CCDC85C: variants seen among roughly 807,000 people sequenced by gnomAD.
The protein encoded by CCDC85C is coiled-coil domain containing 85C.
A neutral mutation model predicts 38.3 loss-of-function variants in CCDC85C; 18 were observed. That is an observed-to-expected ratio of 0.47 (90% CI 0.33 to 0.70). The LOEUF is 0.70. CCDC85C is among the 30% of genes least tolerant of loss of function. The pLI is 0.03. For synonymous variants in CCDC85C, 264 were observed against 293.8 expected, an observed-to-expected ratio of 0.90 and a Z score of 1.04; for missense variants, 566 against 621.2, an observed-to-expected ratio of 0.91 and a Z score of 0.94.
In CCDC85C at chr14:99,603,148, C is replaced by A; in HGVS notation, c.793+19G>T. On this transcript the variant is annotated intron_variant, in intron 1 of 5. Coordinates refer to ENST00000380243, the MANE Select transcript of CCDC85C (RefSeq NM_001144995.2). The surrounding 1 kb of genome is among the most constrained non-coding windows in gnomAD (Gnocchi z 7.5). ...TGCAGCCAGGGAGACCCGCGCTGCC[C>A]GGCCCGTGTAGTCCTTACCGTGCAG... The A allele has an allele frequency of 7.6e-7, 1 of 1,313,362 alleles. No individual in the cohort carries two copies. The highest frequency in any genetic ancestry group is 3.1e-5 in the East Asian group (1 of 32,088). The allele number at this position is 1,313,362 out of a possible 1,614,324, so 81.4% of individuals were successfully genotyped here.
rs1189838664 is a variant in CCDC85C at position 99,501,912 on chromosome 14, G to A, written c.*13334C>T. 3.9e-6 allele frequency: 1 copy of A among 256,456 alleles called. No homozygotes were observed. The highest frequency in any genetic ancestry group is 7.4e-6 in the Non-Finnish European group (1 of 135,982). The allele number at this position is 256,456 out of a possible 1,614,324, so 15.9% of individuals were successfully genotyped here. On this transcript the variant is annotated 3_prime_UTR_variant, in exon 6 of 6. Transcript: ENST00000380243. Reference sequence around the variant, plus strand: ...ATTTCATTTGAAGAAACAGTTGAGTGGCTAGGATTTCAACAGTTTAAATAA... The same window carrying A: ...ATTTCATTTGAAGAAACAGTTGAGTAGCTAGGATTTCAACAGTTTAAATAA...
At chr14:99,517,969 GC>G (rs1215924669) in intron 3 of CCDC85C, among the ~76,000 whole-genome samples, 1 of 152,200 alleles carries the variant, frequency 6.6e-6, no homozygotes, top group African/African-American at 2.4e-5. Context: ...AAAACACCCA[GC>G]GGTGCCCTGT....
At chr14:99,521,284 C>G (rs1430785914) in intron 3 of CCDC85C, among the ~76,000 whole-genome samples, 1 of 152,230 alleles carries the variant, frequency 6.6e-6, no homozygotes, top group African/African-American at 2.4e-5. Flanking sequence ...GCTTTGCTGC[C>G]TGCACAGGCT....
chr14:99,509,944 T>C lies in CCDC85C; in HGVS notation c.*5302A>G, dbSNP rs3918124. 5,175 of 597,826 alleles carry C rather than the reference T, an allele frequency of 8.7e-3. 200 individuals carry two copies. Among genetic ancestry groups the C allele is most frequent in the African/African-American group, 0.086 (4,608 of 53,626 alleles). The allele number at this position is 597,826 out of a possible 1,614,324, so 37.0% of individuals were successfully genotyped here. ...GGGCTGAGGGAGGGAAAACCCCAGG[T>C]CGTCGCAGACAGGGTGGAGGGCCTT... On this transcript the variant is annotated 3_prime_UTR_variant, in exon 6 of 6. Coordinates refer to ENST00000380243, the MANE Select transcript of CCDC85C (RefSeq NM_001144995.2).
At chr14:99,579,644 G>A (rs1167683716) in intron 1 of CCDC85C, among the ~76,000 whole-genome samples, 2 of 152,228 alleles carry the variant, frequency 1.3e-5, no homozygotes, top group African/African-American at 2.4e-5. Context: ...CCAGAAAGGT[G>A]AGGACTGGAT....
At chr14:99,527,070 C>T (rs1214733093) in intron 2 of CCDC85C, among the ~76,000 whole-genome samples, 1 of 152,184 alleles carries the variant, frequency 6.6e-6, no homozygotes, top group East Asian at 1.9e-4. Flanking sequence ...AGCACAGAGG[C>T]CTCCACAGAA....
intron 1 of CCDC85C, among the ~76,000 whole-genome samples, chr14:99,537,080 T>C (rs942513746): frequency 3.3e-5 from 5 of 152,110 alleles, no homozygotes; most frequent in South Asian, 4.1e-4. Context: ...CAAGTACCCC[T>C]GTGAGCCACG....
chr14:99,518,563 C>A (rs545119261), intron 3 of CCDC85C, among the ~76,000 whole-genome samples: 2 of 151,616 alleles, frequency 1.3e-5, no homozygotes, highest in South Asian at 4.1e-4. Context: ...CCCCCTGGGG[C>A]AACGCAAGGC....
intron 1 of CCDC85C, chr14:99,580,037 T>A (rs1416304382): frequency 1.1e-5 from 5 of 455,360 alleles, no homozygotes; most frequent in Non-Finnish European, 2.2e-5. Context: ...GTGAGTCACA[T>A]GGGCAGGGCT....
chr14:99,534,236 T>C (rs995943289), intron 2 of CCDC85C, among the ~76,000 whole-genome samples: 9 of 151,634 alleles, frequency 5.9e-5, no homozygotes, highest in Non-Finnish European at 1.0e-4. Context: ...ATGCCTGTAG[T>C]CCCAGCTACT....
At chr14:99,537,808 T>G (rs1399514206) in intron 1 of CCDC85C, among the ~76,000 whole-genome samples, 1 of 152,016 alleles carries the variant, frequency 6.6e-6, no homozygotes, top group African/African-American at 2.4e-5. Context: ...ACAGTTCCCA[T>G]GCCCACCCAA....
chr14:99,571,152 AAGGCAGTGCAGTG>A (rs1898332699), intron 1 of CCDC85C, among the ~76,000 whole-genome samples: 1 of 152,130 alleles, frequency 6.6e-6, no homozygotes, highest in Admixed American at 6.5e-5. Context: ...GAGGAAGACA[AAGGCAGTGCAGTG>A]AGGGGCCAGC....
intron 1 of CCDC85C, among the ~76,000 whole-genome samples, chr14:99,601,634 C>T (rs1332291922): frequency 6.6e-6 from 1 of 152,166 alleles, no homozygotes; most frequent in Non-Finnish European, 1.5e-5. Flanking sequence ...CAAAAGCCCC[C>T]AGGACGGCAA....
rs1239250994 is a variant in CCDC85C, at chr14:99,509,623, CCT to C, written c.*5621_*5622del. 1 of 162,298 alleles carries C rather than the reference CCT, an allele frequency of 6.2e-6. No homozygotes were observed. Among genetic ancestry groups the C allele is most frequent in the East Asian group, 1.9e-4 (1 of 5,286 alleles). 10.1% of individuals were successfully genotyped at this position (162,298 alleles called of 1,614,324 possible). On this transcript the variant is annotated 3_prime_UTR_variant, in exon 6 of 6. Coordinates refer to ENST00000380243, the MANE Select transcript of CCDC85C (RefSeq NM_001144995.2). ...GAGCACACAGTGGGGTTTGATGTAG[CCT>C]CTCTTGAGTAGAATAGAACCTGAAT...
At chr14:99,577,505 G>A (rs1898505838) in intron 1 of CCDC85C, among the ~76,000 whole-genome samples, 1 of 151,850 alleles carries the variant, frequency 6.6e-6, no homozygotes, top group African/African-American at 2.4e-5. Context: ...AGTCTCCTCA[G>A]CTGCTAAATG....
Position 99,503,799 on chromosome 14 carries a change from C to T in CCDC85C, c.*11447G>A. ...TTTCCATCAGCATTGTCTTTCTGTTCATCACCTGATCATAGATTCTAAAAT... is the reference window on the plus strand; with the variant it reads ...TTTCCATCAGCATTGTCTTTCTGTTTATCACCTGATCATAGATTCTAAAAT... On this transcript the variant is annotated 3_prime_UTR_variant, in exon 6 of 6. Coordinates refer to ENST00000380243, the MANE Select transcript of CCDC85C (RefSeq NM_001144995.2). 2 of 627,294 alleles carry T rather than the reference C, an allele frequency of 3.2e-6. No homozygotes were observed. Among genetic ancestry groups the T allele is most frequent in the Non-Finnish European group, 5.6e-6 (2 of 356,622 alleles). 38.9% of individuals were successfully genotyped at this position (627,294 alleles called of 1,614,324 possible). A position where few individuals can be genotyped will look rare whatever the true frequency, so the allele number is the denominator to read the frequency against.
intron 1 of CCDC85C, among the ~76,000 whole-genome samples, chr14:99,602,408 G>A (rs1231577617): frequency 1.3e-5 from 2 of 152,196 alleles, no homozygotes; most frequent in African/African-American, 2.4e-5. Context: ...GCGATCAACA[G>A]TTTATAAATC....
intron 1 of CCDC85C, among the ~76,000 whole-genome samples, chr14:99,602,178 C>T (rs908745546): frequency 3.9e-5 from 6 of 152,304 alleles, no homozygotes; most frequent in Admixed American, 3.3e-4. Flanking sequence ...ACAGGGAGGC[C>T]CCGGATCCAC....
At chr14:99,561,703 G>A (rs8014245) in intron 1 of CCDC85C, among the ~76,000 whole-genome samples, 81,694 of 152,016 alleles carry the variant, frequency 0.54, 22,235 homozygotes, top group African/African-American at 0.61. Flanking sequence ...CAGCCACCCA[G>A]GGCCCCAGCC....
Sources: allele counts gnomAD v4.1 joint callset (sites outside exome capture counted in the v4.1 genomes callset), GRCh38; gene constraint gnomAD v4.1.1; non-coding constraint Gnocchi (gnomAD v3.1); transcripts MANE v1.5; gene names NCBI Gene and HGNC (gene_info 2026-07-23, HGNC 2026-07-21).